The following ROBO1 variants were observed in gnomAD, a reference collection of about 807,000 sequenced individuals.
ROBO1 encodes roundabout guidance receptor 1.
A neutral mutation model predicts 195.9 loss-of-function variants in ROBO1; 149 were observed. That is an observed-to-expected ratio of 0.76 (90% CI 0.67 to 0.87). The LOEUF is 0.87. Ranked by LOEUF, ROBO1 falls within the 40% of genes least tolerant of loss-of-function variation. The probability of loss-of-function intolerance (pLI) is 0.00; values close to 1 mark genes in which losing one functional copy is unlikely to be tolerated. For synonymous variants in ROBO1, 816 were observed against 733.2 expected (o/e 1.11, Z -1.82); for missense variants, 1,933 against 2,068.3 (o/e 0.93, Z 1.27).
rs549034591 is a variant in ROBO1, at chr3:79,560,535, T to TTATATATATATATATATATA, written c.88+29269_88+29288dup. Among the ~76,000 whole-genome samples the TTATATATATATATATATATA allele has an allele frequency of 9.5e-3, 1,088 of 114,638 alleles. 30 individuals are homozygous for TTATATATATATATATATATA. Among genetic ancestry groups the TTATATATATATATATATATA allele is most frequent in the African/African-American group, 0.017 (434 of 25,162 alleles). 75.2% of individuals were successfully genotyped at this position (114,638 alleles called of 152,430 possible). On this transcript the variant is annotated intron_variant, in intron 2 of 30. Transcript: ENST00000464233. ...AAAACTTAAAGTATAATAATAATAA[T>TTATATATATATATATATATA]TATATATATATATATATATATATAC...
chr3:78,939,904 T>G (rs1439027189), intron 3 of ROBO1, among the ~76,000 whole-genome samples: 1 of 152,118 alleles, frequency 6.6e-6, no homozygotes, highest in African/African-American at 2.4e-5. Context: ...TACATATTAC[T>G]TAATAAATGA....
At chr3:79,746,883 A>T (rs1703900971) in intron 1 of ROBO1, among the ~76,000 whole-genome samples, 1 of 152,126 alleles carries the variant, frequency 6.6e-6, no homozygotes, top group Non-Finnish European at 1.5e-5. Context: ...GGATTAAAGT[A>T]TTCAATTTCT....
At position 78,754,383 on chromosome 3, in the gene ROBO1, G is replaced by T. The variant is rs114985198; in HGVS notation, c.500-7483C>A. On this transcript the variant is annotated intron_variant, in intron 4 of 30. Coordinates refer to ENST00000464233, the MANE Select transcript of ROBO1 (RefSeq NM_002941.4). ...CAAAATGAGGATATCTGAGCTACGGGACCCTGATTAGGGCAAGACAAGCAT... is the reference window on the plus strand; with the variant it reads ...CAAAATGAGGATATCTGAGCTACGGTACCCTGATTAGGGCAAGACAAGCAT... Among the ~76,000 whole-genome samples, 735 of 152,250 alleles carry T rather than the reference G, an allele frequency of 4.8e-3. 6 individuals are homozygous for T. Among genetic ancestry groups the T allele is most frequent in the African/African-American group, 0.017 (707 of 41,550 alleles).
chr3:78,770,416 T>C (rs2083343493), intron 4 of ROBO1, among the ~76,000 whole-genome samples: 1 of 152,214 alleles, frequency 6.6e-6, no homozygotes, highest in Admixed American at 6.5e-5. Context: ...TGGCTGCTTA[T>C]ATGTTTTCTC....
At chr3:78,700,256 T>C (rs2081390100) in intron 8 of ROBO1, among the ~76,000 whole-genome samples, 1 of 152,216 alleles carries the variant, frequency 6.6e-6, no homozygotes, top group Non-Finnish European at 1.5e-5. Context: ...TGTGTGTATC[T>C]CTCTTCTTCG....
chr3:79,655,834 C>A (rs1204940476), intron 1 of ROBO1, among the ~76,000 whole-genome samples: 1 of 152,026 alleles, frequency 6.6e-6, no homozygotes, highest in Non-Finnish European at 1.5e-5. Flanking sequence ...CTGATCCAGG[C>A]TTCTAGTTGT....
intron 1 of ROBO1, among the ~76,000 whole-genome samples, chr3:79,743,742 A>G (rs1435338618): frequency 6.6e-6 from 1 of 152,172 alleles, no homozygotes; most frequent in Non-Finnish European, 1.5e-5. Flanking sequence ...GACATTTTTT[A>G]AACTTTTAAA....
chr3:78,679,431 T>C (rs1048649763), intron 10 of ROBO1, among the ~76,000 whole-genome samples: 47 of 152,208 alleles, frequency 3.1e-4, no homozygotes, highest in African/African-American at 1.1e-3. Context: ...AAAAACCCCA[T>C]TGTCTCAGCC....
rs777769721 is a variant in ROBO1 at position 79,326,651 on chromosome 3, T to C, written c.89-201112A>G. Among the ~76,000 whole-genome samples the C allele has an allele frequency of 1.8e-4, 27 of 152,176 alleles. 1 individual carries two copies. The highest frequency in any genetic ancestry group is 4.4e-5 in the Non-Finnish European group (3 of 68,032). On this transcript the variant is annotated intron_variant, in intron 2 of 30. Transcript: ENST00000464233. ...GTGAGCTGTTAGGTTGACACAAAAGTAATTGTGGTTTTTGCCATTAATACA... is the reference window on the plus strand; with the variant it reads ...GTGAGCTGTTAGGTTGACACAAAAGCAATTGTGGTTTTTGCCATTAATACA...
chr3:79,466,382 T>C (rs973997579), intron 2 of ROBO1, among the ~76,000 whole-genome samples: 2 of 152,212 alleles, frequency 1.3e-5, no homozygotes, highest in African/African-American at 2.4e-5. Flanking sequence ...TTAAATTTCT[T>C]CAAAGACAAA....
At chr3:78,670,537 C>G (rs1221574396) in intron 10 of ROBO1, 2 of 489,834 alleles carry the variant, frequency 4.1e-6, no homozygotes, top group Non-Finnish European at 7.4e-6. Context: ...CTGGCTGCAT[C>G]GTCAAGAGGC....
intron 2 of ROBO1, among the ~76,000 whole-genome samples, chr3:79,553,699 C>A (rs1462510343): frequency 6.6e-6 from 1 of 151,972 alleles, no homozygotes; most frequent in Non-Finnish European, 1.5e-5. Context: ...TTACTAAATA[C>A]CATAAAATTT....
At chr3:79,076,327 T>C (rs1366151667) in intron 3 of ROBO1, among the ~76,000 whole-genome samples, 1 of 148,986 alleles carries the variant, frequency 6.7e-6, no homozygotes, top group Non-Finnish European at 1.5e-5. Context: ...GTTTCTATTA[T>C]TTTATATGTA....
intron 2 of ROBO1, among the ~76,000 whole-genome samples, chr3:79,150,956 A>G (rs1255903171): frequency 6.6e-6 from 1 of 151,646 alleles, no homozygotes; most frequent in Non-Finnish European, 1.5e-5. Flanking sequence ...CTCACCTTGA[A>G]TGGTAATAAT....
At chr3:78,703,005 C>T (rs1418533188) in intron 8 of ROBO1, among the ~76,000 whole-genome samples, 1 of 152,072 alleles carries the variant, frequency 6.6e-6, no homozygotes, top group Non-Finnish European at 1.5e-5. Context: ...GAAGTGAATG[C>T]CTTTCTTTTG....
intron 4 of ROBO1, among the ~76,000 whole-genome samples, chr3:78,772,777 T>C (rs939300831): frequency 2.6e-5 from 4 of 152,176 alleles, no homozygotes; most frequent in Middle Eastern, 3.4e-3. Context: ...GTATTAAGAA[T>C]TGAATCTCAT....
intron 4 of ROBO1, among the ~76,000 whole-genome samples, chr3:78,792,261 C>T (rs1335951092): frequency 2.0e-5 from 3 of 152,198 alleles, no homozygotes; most frequent in South Asian, 4.1e-4. Context: ...GGTGTCATTT[C>T]TATAAACAAG....
chr3:78,963,498 T>TTTG (rs2041497483), intron 3 of ROBO1, among the ~76,000 whole-genome samples: 1 of 116,110 alleles, frequency 8.6e-6, no homozygotes, highest in African/African-American at 3.4e-5. Flanking sequence ...CCTTCAGTTT[T>TTTG]TTTTTTTTTT....
intron 2 of ROBO1, among the ~76,000 whole-genome samples, chr3:79,154,523 A>G (rs1479364684): frequency 6.6e-6 from 1 of 151,788 alleles, no homozygotes; most frequent in African/African-American, 2.4e-5. Context: ...TATGGCATGA[A>G]ACAACTCACA....
Sources: allele counts gnomAD v4.1 joint callset (sites outside exome capture counted in the v4.1 genomes callset), GRCh38; gene constraint gnomAD v4.1.1; transcripts MANE v1.5; gene names NCBI Gene and HGNC (gene_info 2026-07-23, HGNC 2026-07-21).